SAMMSON: variants seen among roughly 807,000 people sequenced by gnomAD.
The protein encoded by SAMMSON is long intergenic non-protein coding RNA 1212.
At chr3:70,299,474 T>C (rs1481204850) in intron 7 of SAMMSON, among the ~76,000 whole-genome samples, 10 of 152,102 alleles carry the variant, frequency 6.6e-5, no homozygotes, top group Admixed American at 5.9e-4. Context: ...CACATACCCC[T>C]AGAGACATAT....
At chr3:70,333,327 C>A (rs1334224449) in intron 7 of SAMMSON, among the ~76,000 whole-genome samples, 1 of 151,792 alleles carries the variant, frequency 6.6e-6, no homozygotes, top group African/African-American at 2.4e-5. Flanking sequence ...GTATACTTCC[C>A]TTTAAACGTT....
intron 9 of SAMMSON, among the ~76,000 whole-genome samples, chr3:70,383,341 T>TAAAAAAAAA (rs1463605579): frequency 1.0e-5 from 1 of 99,526 alleles, no homozygotes; most frequent in African/African-American, 3.8e-5. Flanking sequence ...TCCCTTAAAA[T>TAAAAAAAAA]AAAAATAAAA....
Position 70,010,322 on chromosome 3 carries a change from C to T in SAMMSON, n.23-2035C>T, listed in dbSNP as rs532435173. Among the ~76,000 whole-genome samples the T allele has an allele frequency of 2.6e-5, 4 of 152,120 alleles. No homozygotes were observed. In the South Asian group the frequency reaches 6.2e-4, roughly 24 times the overall value. The stretch of plus-strand genomic sequence containing the variant: ...AACTTGCTTTATGAATCTGGGTGCT[C>T]CTGTATTGGGTGCATATATGTTTAG... On this transcript the variant is annotated intron_variant and non_coding_transcript_variant, in intron 1 of 9. Transcript: ENST00000642114.
intron 4 of SAMMSON, chr3:70,124,928 A>G (rs1211832799): frequency 3.9e-6 from 2 of 516,432 alleles, no homozygotes; most frequent in East Asian, 6.5e-5. Flanking sequence ...ACTGATTTAA[A>G]GGCATATGTA....
intron 9 of SAMMSON, among the ~76,000 whole-genome samples, chr3:70,382,817 T>G (rs1200846684): frequency 6.6e-6 from 1 of 152,190 alleles, no homozygotes; most frequent in Non-Finnish European, 1.5e-5. Flanking sequence ...TCATAACAGG[T>G]ATTCAAACAG....
At chr3:70,078,715 T>C (rs2067257520) in intron 4 of SAMMSON, among the ~76,000 whole-genome samples, 1 of 152,114 alleles carries the variant, frequency 6.6e-6, no homozygotes, top group Admixed American at 6.6e-5. Flanking sequence ...GATGACTCCG[T>C]AACAGGGCCA....
At chr3:70,302,915 T>A (rs1399211913) in intron 7 of SAMMSON, among the ~76,000 whole-genome samples, 1 of 152,156 alleles carries the variant, frequency 6.6e-6, no homozygotes, top group East Asian at 1.9e-4. Context: ...AAAGAAATTT[T>A]AACCATCAGC....
At chr3:70,250,121 A>G (rs1308061757) in intron 6 of SAMMSON, among the ~76,000 whole-genome samples, 1 of 152,040 alleles carries the variant, frequency 6.6e-6, no homozygotes, top group Non-Finnish European at 1.5e-5. Context: ...AAGCCAGGGG[A>G]TTTTTTAGCC....
chr3:70,070,586 T>A (rs971623888), intron 3 of SAMMSON, among the ~76,000 whole-genome samples: 8 of 151,792 alleles, frequency 5.3e-5, no homozygotes, highest in Admixed American at 2.6e-4. Context: ...TAGAAAAAGG[T>A]TGCTAAAAAA....
chr3:70,209,947 G>C (rs749434134), intron 4 of SAMMSON, among the ~76,000 whole-genome samples: 1 of 152,082 alleles, frequency 6.6e-6, no homozygotes, highest in African/African-American at 2.4e-5. Flanking sequence ...AGCTCAGAAA[G>C]AGCTGATAGA....
intron 3 of SAMMSON, among the ~76,000 whole-genome samples, chr3:70,044,987 TTTAA>T (rs1163119493): frequency 2.2e-5 from 3 of 134,016 alleles, no homozygotes; most frequent in African/African-American, 5.6e-5. Context: ...AGTAAAATAC[TTTAA>T]TTATATAATT....
At chr3:70,214,097 G>A (rs1701381445) in intron 4 of SAMMSON, among the ~76,000 whole-genome samples, 2 of 152,084 alleles carry the variant, frequency 1.3e-5, no homozygotes, top group Admixed American at 1.3e-4. Flanking sequence ...GAAATGAATG[G>A]AAATAAGTAA....
intron 2 of SAMMSON, among the ~76,000 whole-genome samples, chr3:70,012,774 A>G (rs1342105105): frequency 6.6e-6 from 1 of 152,106 alleles, no homozygotes; most frequent in East Asian, 1.9e-4. Context: ...TGCAACTTTG[A>G]GTGTGATGTA....
chr3:70,408,102 G>C (rs1210658754), intron 2 of SAMMSON, among the ~76,000 whole-genome samples: 5 of 152,234 alleles, frequency 3.3e-5, no homozygotes, highest in Admixed American at 3.3e-4. Flanking sequence ...GGCTGAAGCA[G>C]CTGGGACACA....
chr3:70,171,607 A>T (rs1055308799), intron 4 of SAMMSON, among the ~76,000 whole-genome samples: 2 of 106,216 alleles, frequency 1.9e-5, no homozygotes, highest in African/African-American at 3.1e-5. Context: ...CTTAAAAGGC[A>T]CAGTCTTTGG....
At position 70,274,088 on chromosome 3, in the gene SAMMSON, T is replaced by C. The variant is rs1295762419; in HGVS notation, n.675-17091T>C. Among the ~76,000 whole-genome samples the C allele has an allele frequency of 3.4e-4, 50 of 146,400 alleles. No individual in the cohort carries two copies. In the East Asian group the frequency reaches 7.3e-3, roughly 22 times the overall value. On this transcript the variant is annotated intron_variant and non_coding_transcript_variant, in intron 6 of 9. Transcript: ENST00000642114. ...GTGTGTGTGTGTGTGTGTGTGTGTG[T>C]GTGCGCGCGCGCATGTGTGTGTGTG...
At chr3:70,261,293 G>C (rs190066667) in intron 6 of SAMMSON, among the ~76,000 whole-genome samples, 1 of 152,208 alleles carries the variant, frequency 6.6e-6, no homozygotes, top group East Asian at 1.9e-4. Context: ...GTGCAGTGTG[G>C]CTTTCTCCTT....
chr3:70,060,654 G>C (rs2067184454), intron 3 of SAMMSON, among the ~76,000 whole-genome samples: 1 of 152,018 alleles, frequency 6.6e-6, no homozygotes, highest in Admixed American at 6.6e-5. Flanking sequence ...GATGCTACTG[G>C]CATCTGGTAG....
chr3:70,101,125 A>G (rs1414407118), intron 4 of SAMMSON, among the ~76,000 whole-genome samples: 1 of 152,192 alleles, frequency 6.6e-6, no homozygotes, highest in Non-Finnish European at 1.5e-5. Context: ...AGTAATGTGT[A>G]GATGAGGCTA....
Sources: gnomAD v4.1 joint callset for allele counts (sites outside exome capture counted in the v4.1 genomes callset) on GRCh38, gnomAD v4.1.1 for gene constraint, MANE v1.5 for transcripts, NCBI Gene and HGNC (gene_info 2026-07-23, HGNC 2026-07-21) for gene names.